Variants in HIVEP3 observed in about 807,000 individuals in gnomAD.
The protein encoded by HIVEP3 is transcription factor HIVEP3.
In HIVEP3, 49 loss-of-function variants were observed where a neutral mutation model predicts 152.8. The ratio of observed to expected loss-of-function variants is 0.32; its 90% confidence interval spans 0.26 to 0.41. The LOEUF (loss-of-function observed/expected upper bound fraction) is 0.41, where lower values mean the gene tolerates loss of function less well. Among genes scored for constraint, HIVEP3 ranks in the 10% least tolerant of loss-of-function variants. HIVEP3 has a pLI of 1.00. For missense variants in HIVEP3, 2,790 were observed against 3,103.3 expected, an observed-to-expected ratio of 0.90 and a Z score of 2.40; for synonymous variants, 1,269 against 1,289.0, an observed-to-expected ratio of 0.98 and a Z score of 0.33.
At chr1:41,819,055 G>T (rs1355365378) in intron 1 of HIVEP3, among the ~76,000 whole-genome samples, 1 of 152,130 alleles carries the variant, frequency 6.6e-6, no homozygotes, top group Admixed American at 6.5e-5. Context: ...TAAGTAACTT[G>T]CCCCTAAGAT....
chr1:41,971,606 A>C (rs1645229924), intron 1 of HIVEP3, among the ~76,000 whole-genome samples: 1 of 152,170 alleles, frequency 6.6e-6, no homozygotes, highest in Non-Finnish European at 1.5e-5. Context: ...CTGGCAGCCC[A>C]AAAGGCTAAA....
At chr1:41,687,616 G>T (rs998039614) in intron 2 of HIVEP3, among the ~76,000 whole-genome samples, 1 of 152,218 alleles carries the variant, frequency 6.6e-6, no homozygotes, top group South Asian at 2.1e-4. Flanking sequence ...TGCAGCAAAC[G>T]CACACACTTA....
At chr1:41,800,375 G>A (rs1432424203) in intron 1 of HIVEP3, among the ~76,000 whole-genome samples, 1 of 152,196 alleles carries the variant, frequency 6.6e-6, no homozygotes, top group Non-Finnish European at 1.5e-5. Flanking sequence ...TCCTGAGCCT[G>A]CCATGCCATG....
chr1:41,984,243 A>G (rs1440284623), intron 1 of HIVEP3, among the ~76,000 whole-genome samples: 1 of 152,166 alleles, frequency 6.6e-6, no homozygotes, highest in African/African-American at 2.4e-5. Flanking sequence ...AAGTGCTGGG[A>G]TTATGGACAT....
At chr1:41,718,563 G>A (rs964751967) in intron 1 of HIVEP3, among the ~76,000 whole-genome samples, 2 of 152,144 alleles carry the variant, frequency 1.3e-5, no homozygotes, top group Admixed American at 6.5e-5. Flanking sequence ...TGGGAACAGC[G>A]GACCTGCCCC....
In HIVEP3 at chr1:41,712,737, G is replaced by T. The variant is rs1020419507; in HGVS notation, c.-800-11742C>A. Among the ~76,000 whole-genome samples the T allele has an allele frequency of 4.6e-5, 7 of 152,190 alleles. No individual in the cohort carries two copies. In the East Asian group the frequency reaches 1.3e-3, roughly 29 times the overall value. On this transcript the variant is annotated intron_variant, in intron 1 of 8. Transcript: ENST00000372583. ...TATCACAGGCCAGAGCTGGTCCCCT[G>T]CATGGCCCGGCAGCCCCTCCCTTCA...
chr1:41,807,208 GC>G (rs1650681595), intron 1 of HIVEP3, among the ~76,000 whole-genome samples: 1 of 152,180 alleles, frequency 6.6e-6, no homozygotes, highest in South Asian at 2.1e-4. Flanking sequence ...GGGCCGGCAT[GC>G]CCCCTCCTCA....
At chr1:41,517,602 G>A (rs1021151253) in intron 7 of HIVEP3, among the ~76,000 whole-genome samples, 2 of 152,198 alleles carry the variant, frequency 1.3e-5, no homozygotes, top group Admixed American at 6.5e-5. Flanking sequence ...TGATTTCAGG[G>A]AATCAGTATG....
Position 41,513,558 on chromosome 1 carries a change from T to G in HIVEP3, c.5663A>C (p.His1888Pro). 1 of 1,611,736 alleles carries G rather than the reference T, an allele frequency of 6.2e-7. No homozygotes were observed. Among genetic ancestry groups the G allele is most frequent in the South Asian group, 1.1e-5 (1 of 90,880 alleles). Residue 1888 changes from histidine to proline, a missense_variant, in exon 8 of 9, where the codon CAT becomes CCT. By Grantham distance (77) the His-to-Pro change is moderately conservative. Transcript: ENST00000372583. The part of the protein sequence containing the change: ...SSEAPPPGPP[H>P]ALRADSSPIL... ...GGGTGAGGAGTCTGCCCGCAGTGCA[T>G]GTGGTGGGCCAGGCGGGGGCGCCTC...
At chr1:41,898,595 G>A (rs114576311) in intron 1 of HIVEP3, among the ~76,000 whole-genome samples, 8 of 152,292 alleles carry the variant, frequency 5.3e-5, no homozygotes, top group Non-Finnish European at 7.4e-5. Context: ...GCACACGTGC[G>A]TGCACACACA....
At chr1:42,021,539 A>T (rs2124535420) in intron 1 of HIVEP3, among the ~76,000 whole-genome samples, 1 of 152,294 alleles carries the variant, frequency 6.6e-6, no homozygotes, top group East Asian at 1.9e-4. Flanking sequence ...TTATACACTC[A>T]AGTGGAGAAT....
chr1:41,879,747 C>T (rs1344779906), intron 1 of HIVEP3, among the ~76,000 whole-genome samples: 4 of 152,208 alleles, frequency 2.6e-5, no homozygotes, highest in East Asian at 3.8e-4. Context: ...AGGGGTACCA[C>T]ACTGTGAAAC....
intron 2 of HIVEP3, among the ~76,000 whole-genome samples, chr1:41,678,228 C>T (rs11801716): frequency 0.13 from 19,082 of 152,164 alleles, 2,199 homozygotes; most frequent in African/African-American, 0.31. Flanking sequence ...ACTCCTGGGC[C>T]GCTGGGACCT....
chr1:41,578,540 T>C (rs957401690), intron 4 of HIVEP3, among the ~76,000 whole-genome samples: 1 of 152,236 alleles, frequency 6.6e-6, no homozygotes, highest in Non-Finnish European at 1.5e-5. Flanking sequence ...TAGAACACAG[T>C]TGTGCTCACT....
At chr1:41,794,175 C>T (rs6660460) in intron 1 of HIVEP3, among the ~76,000 whole-genome samples, 5,102 of 152,108 alleles carry the variant, frequency 0.034, 285 homozygotes, top group African/African-American at 0.12. Flanking sequence ...TGGTGGAAGA[C>T]GTAGGAAGAG....
intron 1 of HIVEP3, among the ~76,000 whole-genome samples, chr1:42,017,705 A>G (rs1645531768): frequency 6.6e-6 from 1 of 152,100 alleles, no homozygotes; most frequent in Admixed American, 6.5e-5. Flanking sequence ...GCTATTATGA[A>G]TATTATGAAT....
At chr1:41,712,292 A>T (rs1646524858) in intron 1 of HIVEP3, among the ~76,000 whole-genome samples, 1 of 152,228 alleles carries the variant, frequency 6.6e-6, no homozygotes, top group Non-Finnish European at 1.5e-5. Context: ...CCCTAGTCGC[A>T]TGCACCATTC....
intron 3 of HIVEP3, among the ~76,000 whole-genome samples, chr1:41,589,666 G>A (rs937422842): frequency 1.2e-4 from 19 of 152,184 alleles, no homozygotes; most frequent in African/African-American, 4.3e-4. Context: ...TCTGCCTTGG[G>A]CTCTAGACTG....
chr1:41,879,433 C>A (rs1282357983), intron 1 of HIVEP3, among the ~76,000 whole-genome samples: 2 of 152,248 alleles, frequency 1.3e-5, no homozygotes, highest in Non-Finnish European at 2.9e-5. Context: ...GCACAGGATA[C>A]CTTGCAGCCA....
Sources: gnomAD v4.1 joint callset for allele counts (sites outside exome capture counted in the v4.1 genomes callset) on GRCh38, gnomAD v4.1.1 for gene constraint, MANE v1.5 for transcripts, NCBI Gene and HGNC (gene_info 2026-07-23, HGNC 2026-07-21) for gene names.